The following GPR137B variants were observed in gnomAD, a reference collection of about 807,000 sequenced individuals.
The protein encoded by GPR137B is integral membrane protein GPR137B.
A neutral mutation model predicts 42.5 loss-of-function variants in GPR137B; 42 were observed. The observed-to-expected ratio is 0.99, with a 90% confidence interval of 0.77 to 1.28. The LOEUF (loss-of-function observed/expected upper bound fraction) is 1.28. GPR137B is among the 50% of genes most tolerant of loss of function. The pLI is 0.00. For synonymous variants in GPR137B, 218 were observed against 209.7 expected, an observed-to-expected ratio of 1.04 and a Z score of -0.34; for missense variants, 487 against 493.9, an observed-to-expected ratio of 0.99 and a Z score of 0.13.
At chr1:236,185,817 G>A (rs1250193479) in intron 5 of GPR137B, among the ~76,000 whole-genome samples, 2 of 152,080 alleles carry the variant, frequency 1.3e-5, no homozygotes, top group Non-Finnish European at 2.9e-5. Flanking sequence ...GTATAATTGA[G>A]TGGTTTGGGG....
chr1:236,180,081 C>A (rs111985390), intron 4 of GPR137B, 53 bp downstream of exon 4: 3 of 1,494,784 alleles, frequency 2.0e-6, no homozygotes, highest in East Asian at 4.5e-5. Context: ...TTGGTATCCT[C>A]GAGGCATTGG....
chr1:236,164,543 GT>G, intron 1 of GPR137B, among the ~76,000 whole-genome samples: 1 of 152,240 alleles, frequency 6.6e-6, no homozygotes. Flanking sequence ...GAGAGCCAGG[GT>G]GAGCCAGGAG....
intron 1 of GPR137B, among the ~76,000 whole-genome samples, chr1:236,163,063 C>T (rs144238718): frequency 0.012 from 1,782 of 152,328 alleles, 38 homozygotes; most frequent in East Asian, 0.11. Context: ...CCCTGCAAAG[C>T]CACAGGGGTG....
At chr1:236,180,256 T>C (rs969538149) in intron 4 of GPR137B, 3 of 438,654 alleles carry the variant, frequency 6.8e-6, no homozygotes, top group Non-Finnish European at 1.2e-5. Context: ...ACAGTTGTTA[T>C]ACTACATTGT....
In GPR137B at chr1:236,202,212, T is replaced by G. The variant is rs1043709115; in HGVS notation, c.967-2914T>G. Among the ~76,000 whole-genome samples, 7 of 152,042 alleles carry G rather than the reference T, an allele frequency of 4.6e-5. 1 individual carries two copies. Among genetic ancestry groups the G allele is most frequent in the African/African-American group, 1.7e-4 (7 of 41,294 alleles). ...TGTAAGTATGTTTAGTATGCTGGCT[T>G]TCTTAAGTGCTTTATGCTAGCAATG... is the stretch of plus-strand genomic sequence containing the variant. On this transcript the variant is annotated intron_variant, in intron 5 of 6. Transcript: ENST00000366592.
At chr1:236,200,822 C>T (rs996315145) in intron 5 of GPR137B, among the ~76,000 whole-genome samples, 1 of 151,810 alleles carries the variant, frequency 6.6e-6, no homozygotes, top group South Asian at 2.1e-4. Context: ...TTAAATGGAG[C>T]ATTTAGGCCA....
intron 1 of GPR137B, among the ~76,000 whole-genome samples, chr1:236,167,685 C>A (rs551223644): frequency 6.6e-6 from 1 of 152,312 alleles, no homozygotes; most frequent in African/African-American, 2.4e-5. Context: ...CTGTTAAACA[C>A]CAGGGATCCA....
At chr1:236,196,951 A>G (rs542784165) in intron 5 of GPR137B, among the ~76,000 whole-genome samples, 5 of 152,286 alleles carry the variant, frequency 3.3e-5, no homozygotes, top group Admixed American at 3.3e-4. Context: ...TTTTCATATA[A>G]TGACTCCTTT....
At chr1:236,196,529 T>C (rs1000033289) in intron 5 of GPR137B, among the ~76,000 whole-genome samples, 1 of 152,232 alleles carries the variant, frequency 6.6e-6, no homozygotes, top group Non-Finnish European at 1.5e-5. Flanking sequence ...AGTTGTTTAG[T>C]GGTGACTGCT....
At chr1:236,180,189 C>G in intron 4 of GPR137B, 161 bp downstream of exon 4, 2 of 594,058 alleles carry the variant, frequency 3.4e-6, no homozygotes, top group Admixed American at 3.1e-5. Context: ...CTTCTGTATA[C>G]TTTAAATTAA....
At chr1:236,180,290 T>C (rs760502106) in intron 4 of GPR137B, 3 of 349,532 alleles carry the variant, frequency 8.6e-6, no homozygotes, top group Non-Finnish European at 1.6e-5. Context: ...TTTTTAATTG[T>C]TATTAGTATT....
At chr1:236,165,792 A>G (rs940719308) in intron 1 of GPR137B, among the ~76,000 whole-genome samples, 2 of 152,230 alleles carry the variant, frequency 1.3e-5, no homozygotes, top group East Asian at 1.9e-4. Context: ...GCAGGGGGAA[A>G]AAGTTTTCCT....
At chr1:236,160,349 C>T (rs1662151376) in intron 1 of GPR137B, among the ~76,000 whole-genome samples, 1 of 152,102 alleles carries the variant, frequency 6.6e-6, no homozygotes, top group Non-Finnish European at 1.5e-5. Context: ...TCGGGTTCCC[C>T]AAGAAGCAGC....
intron 1 of GPR137B, among the ~76,000 whole-genome samples, chr1:236,151,610 G>A (rs1417316267): frequency 6.6e-6 from 1 of 151,872 alleles, no homozygotes; most frequent in East Asian, 1.9e-4. Flanking sequence ...TTTTAGTAGA[G>A]ACGGGGTTTC....
At chr1:236,152,573 AC>A (rs1358583132) in intron 1 of GPR137B, among the ~76,000 whole-genome samples, 3 of 152,102 alleles carry the variant, frequency 2.0e-5, no homozygotes, top group African/African-American at 7.2e-5. Flanking sequence ...CCTGGCCAAC[AC>A]GGTGAAACCC....
intron 5 of GPR137B, 102 bp from the exon 6 acceptor site, chr1:236,205,024 T>C: frequency 1.1e-6 from 1 of 925,858 alleles, no homozygotes. Context: ...TACATTCAAA[T>C]GAATAGAACA....
At chr1:236,157,414 AG>A (rs956056356) in intron 1 of GPR137B, among the ~76,000 whole-genome samples, 7 of 152,050 alleles carry the variant, frequency 4.6e-5, no homozygotes, top group African/African-American at 1.7e-4. Flanking sequence ...TAGTAGAGAC[AG>A]GGTTTCACCG....
Position 236,178,436 on chromosome 1 carries a change from C to G in GPR137B, c.487C>G (p.Leu163Val), listed in dbSNP as rs754308635. 7 of 1,613,710 alleles carry G rather than the reference C, an allele frequency of 4.3e-6. No homozygotes were observed. The highest frequency in any genetic ancestry group is 1.7e-5 in the Admixed American group (1 of 60,018). The change falls in exon 3 of 7, where the codon CTC (leucine) becomes GTC (valine). Residue 163 changes from leucine to valine, a missense_variant. Physicochemically the swap from Leu to Val is conservative, Grantham distance 32. Transcript: ENST00000366592. ...KYRLPLYLAS[L>V]FISLVFLLVN... ...CAGGTTGCCCCTCTACCTGGCCTCC[C>G]TCTTCATCAGCCTTGTTTTCCTGTT... is the stretch of plus-strand genomic sequence containing the variant.
intron 5 of GPR137B, among the ~76,000 whole-genome samples, chr1:236,190,233 G>A (rs540303224): frequency 2.8e-5 from 4 of 144,010 alleles, no homozygotes; most frequent in South Asian, 2.2e-4. Flanking sequence ...GTCTTTTCAC[G>A]TGAGATGGGT....
Sources: allele counts gnomAD v4.1 joint callset (sites outside exome capture counted in the v4.1 genomes callset), GRCh38; gene constraint gnomAD v4.1.1; transcripts MANE v1.5; gene names NCBI Gene and HGNC (gene_info 2026-07-23, HGNC 2026-07-21).